SLAIN2: variants seen among roughly 807,000 people sequenced by gnomAD.
SLAIN2 encodes the protein SLAIN family member 2, also known as SLAIN motif-containing protein 2.
Under a neutral mutation model 56.6 loss-of-function variants are expected in SLAIN2, and 31 were observed. That is an observed-to-expected ratio of 0.55 (90% CI 0.41 to 0.74). The LOEUF is 0.74. SLAIN2 is among the 30% of genes least tolerant of loss of function. The pLI, the probability that SLAIN2 is intolerant of heterozygous loss-of-function variation, is 0.00. For synonymous variants in SLAIN2, 317 were observed against 284.9 expected (o/e 1.11, Z -1.13); for missense variants, 777 against 754.2 (o/e 1.03, Z -0.35).
intron 1 of SLAIN2, 50 bp downstream of exon 1, chr4:48,342,178 G>A: frequency 7.5e-7 from 1 of 1,329,150 alleles, no homozygotes; most frequent in Non-Finnish European, 9.6e-7. Flanking sequence ...GCCCGGGGGC[G>A]GAGAGCGTCC....
intron 6 of SLAIN2, among the ~76,000 whole-genome samples, chr4:48,392,256 T>G (rs1716252956): frequency 6.6e-6 from 1 of 152,216 alleles, no homozygotes; most frequent in Non-Finnish European, 1.5e-5. Context: ...TGCCTGATTC[T>G]GTGTGTAATC....
In SLAIN2 at chr4:48,341,965, G is replaced by C. The variant is rs773083298; in HGVS notation, c.226G>C (p.Gly76Arg). ...GFPLGLSAKS[G>R]GGPGSGPRRT... ...CCCCTTGGGCCTCAGCGCCAAGTCG[G>C]GCGGCGGGCCCGGGTCGGGCCCGAG... Residue 76 changes from glycine to arginine, a missense_variant, in exon 1 of 8, where the codon GGC (glycine) becomes CGC (arginine). By Grantham distance (125) the Gly-to-Arg change is moderately radical. Coordinates refer to ENST00000264313, the MANE Select transcript of SLAIN2 (RefSeq NM_020846.2). 6.9e-7 allele frequency: 1 copy of C among 1,443,198 alleles called. No individual in the cohort carries two copies. Among genetic ancestry groups the C allele is most frequent in the South Asian group, 1.5e-5 (1 of 68,780 alleles). The allele number at this position is 1,443,198 out of a possible 1,614,324, so 89.4% of individuals were successfully genotyped here. A position where few individuals can be genotyped will look rare whatever the true frequency, so the allele number is the denominator to read the frequency against.
chr4:48,372,124 A>G (rs1715687384), intron 2 of SLAIN2, among the ~76,000 whole-genome samples: 2 of 152,026 alleles, frequency 1.3e-5, no homozygotes, highest in Non-Finnish European at 2.9e-5. Context: ...TAGAAATAAT[A>G]TAATTTACAA....
At chr4:48,378,140 A>G in intron 3 of SLAIN2, 80 bp downstream of exon 3, 2 of 1,438,160 alleles carry the variant, frequency 1.4e-6, no homozygotes, top group Non-Finnish European at 1.9e-6. Context: ...ATTCATCTGC[A>G]GTTCGAGTTC....
At chr4:48,368,810 T>C (rs956029892) in intron 1 of SLAIN2, among the ~76,000 whole-genome samples, 8 of 152,156 alleles carry the variant, frequency 5.3e-5, no homozygotes, top group Non-Finnish European at 8.8e-5. Context: ...ATGATCTTGA[T>C]CAAAACTAAA....
intron 1 of SLAIN2, among the ~76,000 whole-genome samples, chr4:48,355,319 A>G (rs1397297483): frequency 6.6e-6 from 1 of 152,242 alleles, no homozygotes; most frequent in African/African-American, 2.4e-5. Flanking sequence ...ATGATGTGAA[A>G]TATTCTTATT....
intron 1 of SLAIN2, among the ~76,000 whole-genome samples, chr4:48,347,981 C>T (rs1361843121): frequency 1.3e-5 from 2 of 152,136 alleles, no homozygotes; most frequent in African/African-American, 2.4e-5. Context: ...AACCCAAAGT[C>T]GCATAGCTAA....
At position 48,386,342 on chromosome 4, in the gene SLAIN2, A is replaced by T. The variant is rs148629341; in HGVS notation, c.1360+2558A>T. On this transcript the variant is annotated intron_variant, in intron 6 of 7. Transcript: ENST00000264313. ...ATGGCCAAATAACCTATCTCTGATT[A>T]TACAGCTTATAAGCGGCAAGTTAGA... is the stretch of plus-strand genomic sequence containing the variant. Among the ~76,000 whole-genome samples the T allele has an allele frequency of 5.0e-3, 761 of 152,320 alleles. 3 individuals are homozygous for T. Among genetic ancestry groups the T allele is most frequent in the Non-Finnish European group, 7.6e-3 (519 of 68,012 alleles).
chr4:48,377,832 C>G, intron 2 of SLAIN2, 64 bp from the exon 3 acceptor site: 1 of 1,474,502 alleles, frequency 6.8e-7, no homozygotes, highest in Non-Finnish European at 9.3e-7. Flanking sequence ...AGGAAAACTT[C>G]AGAAATGAAA....
At chr4:48,398,097 A>C (rs1028152063) in intron 6 of SLAIN2, among the ~76,000 whole-genome samples, 19 of 152,162 alleles carry the variant, frequency 1.2e-4, no homozygotes, top group Admixed American at 3.9e-4. Context: ...TGTCTTCCAC[A>C]GTGGTTGAAC....
Position 48,347,962 on chromosome 4 carries a change from A to G in SLAIN2, c.389+5834A>G, listed in dbSNP as rs113177383. The stretch of plus-strand genomic sequence containing the variant: ...TCATTTTATCCCCATTTTACAGCAA[A>G]AGAAACTAAACCCAAAGTCGCATAG... On this transcript the variant is annotated intron_variant, in intron 1 of 7. Coordinates refer to ENST00000264313, the MANE Select transcript of SLAIN2 (RefSeq NM_020846.2). Among the ~76,000 whole-genome samples the G allele has an allele frequency of 5.4e-3, 817 of 152,334 alleles. 10 individuals carry two copies. The highest frequency in any genetic ancestry group is 0.019 in the African/African-American group (770 of 41,568).
At chr4:48,394,748 C>A in intron 6 of SLAIN2, 1 of 845,392 alleles carries the variant, frequency 1.2e-6, no homozygotes, top group Non-Finnish European at 1.8e-6. Context: ...GTCTGTAAGG[C>A]ACATTTTAGT....
At chr4:48,349,617 A>G (rs970899481) in intron 1 of SLAIN2, among the ~76,000 whole-genome samples, 19 of 152,208 alleles carry the variant, frequency 1.2e-4, no homozygotes, top group African/African-American at 4.3e-4. Flanking sequence ...GTGATTTCCA[A>G]GTTTTCTGAT....
chr4:48,367,633 G>A (rs1715553205), intron 1 of SLAIN2, among the ~76,000 whole-genome samples: 1 of 151,544 alleles, frequency 6.6e-6, no homozygotes, highest in Admixed American at 6.6e-5. Context: ...ATTTGGGGGT[G>A]GGGGGGCAGT....
rs185888306 is a variant in SLAIN2 at position 48,346,583 on chromosome 4, G to A, written c.389+4455G>A. Among the ~76,000 whole-genome samples the A allele has an allele frequency of 4.6e-5, 7 of 152,244 alleles. No individual in the cohort carries two copies. The East Asian group carries it at 1.4e-3, about 29-fold the overall frequency. On this transcript the variant is annotated intron_variant, in intron 1 of 7. Coordinates refer to ENST00000264313, the MANE Select transcript of SLAIN2 (RefSeq NM_020846.2). ...TCTTTGTTTATGTATGCTTTTTGTA[G>A]AGGGCCATTGGTAAAAGTTGCCTGT...
At chr4:48,357,948 C>T (rs1166138044) in intron 1 of SLAIN2, among the ~76,000 whole-genome samples, 1 of 152,238 alleles carries the variant, frequency 6.6e-6, no homozygotes, top group Non-Finnish European at 1.5e-5. Flanking sequence ...ACCCTCCCAC[C>T]TCAGCCTTCC....
intron 3 of SLAIN2, 76 bp downstream of exon 3, chr4:48,378,136 C>G: frequency 6.9e-7 from 1 of 1,455,650 alleles, no homozygotes; most frequent in Non-Finnish European, 9.3e-7. Flanking sequence ...TAACATTCAT[C>G]TGCAGTTCGA....
chr4:48,370,184 T>TA (rs1415434926), intron 2 of SLAIN2, among the ~76,000 whole-genome samples, 187 bp downstream of exon 2: 3 of 152,196 alleles, frequency 2.0e-5, no homozygotes, highest in Non-Finnish European at 4.4e-5. Flanking sequence ...AATAGCTTTT[T>TA]AAAAAAATCT....
At chr4:48,379,955 G>A in intron 4 of SLAIN2, 107 bp downstream of exon 4, 1 of 1,054,674 alleles carries the variant, frequency 9.5e-7, no homozygotes, top group Non-Finnish European at 1.3e-6. Flanking sequence ...AGTGAAAGTA[G>A]AAATGTTGCA....
Sources: gnomAD v4.1 joint callset for allele counts (sites outside exome capture counted in the v4.1 genomes callset) on GRCh38, gnomAD v4.1.1 for gene constraint, MANE v1.5 for transcripts, NCBI Gene and HGNC (gene_info 2026-07-23, HGNC 2026-07-21) for gene names.